GCNT1: variants seen among roughly 807,000 people sequenced by gnomAD.
GCNT1 encodes the protein beta-1,3-galactosyl-O-glycosyl-glycoprotein beta-1,6-N-acetylglucosaminyltransferase.
Under a neutral mutation model 26.2 loss-of-function variants are expected in GCNT1, and 16 were observed. The observed-to-expected ratio is 0.61, with a 90% confidence interval of 0.41 to 0.93. GCNT1 has a LOEUF of 0.93. Ranked by LOEUF, GCNT1 falls within the 40% of genes least tolerant of loss-of-function variation. GCNT1 has a pLI of 0.00. For missense variants in GCNT1, 477 were observed against 526.7 expected (o/e 0.91, Z 0.92); for synonymous variants, 183 against 190.8 (o/e 0.96, Z 0.34).
At chr9:76,454,386 GAAAAAA>G (rs71372084), upstream of GCNT1, among the ~76,000 whole-genome samples, 891 of 39,572 alleles carry the variant, frequency 0.023, 1 homozygote, top group African/African-American at 0.072. Flanking sequence ...TCTCAGAAAA[GAAAAAA>G]AAAAAAAAAA....
the GCNT1 span, among the ~76,000 whole-genome samples, chr9:76,404,077 C>T: frequency 1.3e-5 from 2 of 152,166 alleles, no homozygotes; most frequent in Non-Finnish European, 2.9e-5. Context: ...GTGAAATTAA[C>T]CATTCTTTAG....
chr9:76,462,519 A>G (rs36036209), intron 2 of GCNT1, among the ~76,000 whole-genome samples: 4,717 of 152,320 alleles, frequency 0.031, 95 homozygotes, highest in Non-Finnish European at 0.048. Context: ...ACTAAATGCC[A>G]GTGCACCCTC....
the GCNT1 span, among the ~76,000 whole-genome samples, chr9:76,414,792 G>C: frequency 1.3e-5 from 2 of 152,106 alleles, no homozygotes; most frequent in African/African-American, 4.8e-5. Flanking sequence ...TCTCCATCTT[G>C]GTTTCGGTGA....
intron 1 of GCNT1, among the ~76,000 whole-genome samples, chr9:76,443,974 G>A (rs375799979): frequency 1.3e-5 from 1 of 75,866 alleles, no homozygotes; most frequent in African/African-American, 4.6e-5. Flanking sequence ...AGGAAGGAAG[G>A]AAGGAAGGAA....
intron 2 of GCNT1, among the ~76,000 whole-genome samples, chr9:76,496,545 G>A (rs1361227096): frequency 1.3e-5 from 2 of 152,074 alleles, no homozygotes; most frequent in African/African-American, 4.8e-5. Context: ...ACTCCATTAA[G>A]CACTCAGCGG....
intron 1 of GCNT1, among the ~76,000 whole-genome samples, chr9:76,450,755 T>C (rs1205903922): frequency 6.6e-6 from 1 of 152,234 alleles, no homozygotes; most frequent in African/African-American, 2.4e-5. Context: ...TAAACACCCC[T>C]TTATTTGAAA....
At chr9:76,493,431 G>T (rs1824805961) in intron 2 of GCNT1, among the ~76,000 whole-genome samples, 1 of 152,158 alleles carries the variant, frequency 6.6e-6, no homozygotes, top group South Asian at 2.1e-4. Context: ...TCAAAGGTTT[G>T]CCCTAGACCC....
intron 1 of GCNT1, among the ~76,000 whole-genome samples, chr9:76,444,919 C>G (rs1294842464): frequency 6.6e-6 from 1 of 152,182 alleles, no homozygotes; most frequent in Non-Finnish European, 1.5e-5. Flanking sequence ...ACTATGATCA[C>G]ACCTGTTCAT....
At chr9:76,400,298 G>T in the GCNT1 span, among the ~76,000 whole-genome samples, 1 of 152,000 alleles carries the variant, frequency 6.6e-6, no homozygotes, top group African/African-American at 2.4e-5. Flanking sequence ...TGACATCAAC[G>T]TTCACACCTT....
chr9:76,396,449 A>G, the GCNT1 span, among the ~76,000 whole-genome samples: 1 of 151,866 alleles, frequency 6.6e-6, no homozygotes, highest in African/African-American at 2.4e-5. Flanking sequence ...AATAAAAATA[A>G]GTAAGAAAGA....
intron 1 of GCNT1, among the ~76,000 whole-genome samples, chr9:76,443,203 C>G (rs1470502568): frequency 6.6e-6 from 1 of 152,124 alleles, no homozygotes; most frequent in Non-Finnish European, 1.5e-5. Context: ...CTGTGAAGAC[C>G]AGCTCGGTTG....
At chr9:76,422,914 T>C (rs1398751627) in intron 1 of GCNT1, among the ~76,000 whole-genome samples, 1 of 152,198 alleles carries the variant, frequency 6.6e-6, no homozygotes. Context: ...TATTCAACAC[T>C]ATTATAAAAT....
chr9:76,479,180 C>T (rs1423744660), intron 2 of GCNT1, among the ~76,000 whole-genome samples: 1 of 152,220 alleles, frequency 6.6e-6, no homozygotes, highest in Non-Finnish European at 1.5e-5. Context: ...CTACAAAGGA[C>T]ATGAACTCAT....
chr9:76,441,468 G>A (rs151309151), upstream of GCNT1, among the ~76,000 whole-genome samples: 2 of 152,246 alleles, frequency 1.3e-5, no homozygotes, highest in Admixed American at 6.5e-5. Flanking sequence ...ATTTGTTAAG[G>A]TTCCATAAGT....
the GCNT1 span, among the ~76,000 whole-genome samples, chr9:76,407,857 A>G: frequency 1.3e-5 from 2 of 152,216 alleles, no homozygotes; most frequent in African/African-American, 4.8e-5. Context: ...ATACCTAAGT[A>G]TTCCATATTT....
intron 1 of GCNT1, among the ~76,000 whole-genome samples, chr9:76,424,242 C>T (rs1159414788): frequency 1.3e-5 from 2 of 152,062 alleles, no homozygotes; most frequent in Non-Finnish European, 2.9e-5. Context: ...AAAAGCTAGG[C>T]AGAACCTGGA....
At chr9:76,453,123 C>T (rs529858229) in intron 1 of GCNT1, among the ~76,000 whole-genome samples, 15 of 152,340 alleles carry the variant, frequency 9.8e-5, no homozygotes, top group Middle Eastern at 6.8e-3. Context: ...CCAATCTCAT[C>T]TGCCCAGTAT....
chr9:76,416,436 C>G (rs573829597), upstream of GCNT1, among the ~76,000 whole-genome samples: 1 of 152,350 alleles, frequency 6.6e-6, no homozygotes, highest in African/African-American at 2.4e-5. Flanking sequence ...TGACTCTCCT[C>G]TGAGCCAGTT....
intron 2 of GCNT1, among the ~76,000 whole-genome samples, chr9:76,472,963 G>T (rs951900864): frequency 2.6e-5 from 4 of 152,060 alleles, no homozygotes; most frequent in Middle Eastern, 3.4e-3. Flanking sequence ...TGGCCGGGGT[G>T]GTCTAGAATT....
Sources: gnomAD v4.1 joint callset for allele counts (sites outside exome capture counted in the v4.1 genomes callset) on GRCh38, gnomAD v4.1.1 for gene constraint, MANE v1.5 for transcripts, NCBI Gene and HGNC (gene_info 2026-07-23, HGNC 2026-07-21) for gene names.